CTNNA3: variants seen among roughly 807,000 people sequenced by gnomAD.
The protein encoded by CTNNA3 is catenin alpha-3.
In CTNNA3, 76 loss-of-function variants were observed where a neutral mutation model predicts 95.7. The ratio of observed to expected loss-of-function variants is 0.79; its 90% CI spans 0.66 to 0.96. CTNNA3 has a LOEUF of 0.96. CTNNA3 is among the 40% of genes least tolerant of loss of function. The pLI is 0.00. For missense variants in CTNNA3, 1,191 were observed against 1,089.8 expected (o/e 1.09, Z -1.31); for synonymous variants, 431 against 374.4 (o/e 1.15, Z -1.74).
intron 2 of CTNNA3, among the ~76,000 whole-genome samples, chr10:67,627,282 T>C (rs566173630): frequency 6.6e-6 from 1 of 152,188 alleles, no homozygotes; most frequent in East Asian, 1.9e-4. Context: ...CTATATTAGG[T>C]GTGCAAATCC....
intron 3 of CTNNA3, among the ~76,000 whole-genome samples, chr10:67,544,864 C>T (rs892003655): frequency 2.6e-5 from 4 of 152,112 alleles, no homozygotes; most frequent in African/African-American, 9.7e-5. Context: ...AACAGAATTC[C>T]CAATTTCAAG....
At chr10:66,421,897 G>GATATATAT (rs35513829) in intron 11 of CTNNA3, among the ~76,000 whole-genome samples, 2,786 of 108,032 alleles carry the variant, frequency 0.026, 170 homozygotes, top group East Asian at 0.13. Flanking sequence ...TAATAAATGT[G>GATATATAT]ATATATATAT....
At chr10:67,116,743 T>TAA (rs1554924694) in intron 7 of CTNNA3, among the ~76,000 whole-genome samples, 6 of 139,624 alleles carry the variant, frequency 4.3e-5, no homozygotes, top group South Asian at 2.3e-4. Flanking sequence ...TATATATATA[T>TAA]AATATATAAA....
At chr10:66,709,130 C>A (rs924110730) in intron 9 of CTNNA3, among the ~76,000 whole-genome samples, 2 of 152,064 alleles carry the variant, frequency 1.3e-5, no homozygotes, top group African/African-American at 4.8e-5. Context: ...GAACCTTATA[C>A]ACAACCTTAT....
chr10:67,493,430 C>T (rs1055857717), intron 5 of CTNNA3, among the ~76,000 whole-genome samples: 2 of 151,884 alleles, frequency 1.3e-5, no homozygotes, highest in African/African-American at 4.8e-5. Context: ...GGCGTGGTGG[C>T]ACGCACCTGT....
At chr10:67,179,400 T>C (rs1862397703) in intron 7 of CTNNA3, among the ~76,000 whole-genome samples, 1 of 150,450 alleles carries the variant, frequency 6.6e-6, no homozygotes, top group African/African-American at 2.5e-5. Flanking sequence ...GTATTTCATA[T>C]ATATGTATAA....
chr10:66,096,596 T>C (rs1289087726), intron 14 of CTNNA3, among the ~76,000 whole-genome samples: 1 of 150,662 alleles, frequency 6.6e-6, no homozygotes, highest in Non-Finnish European at 1.5e-5. Context: ...CAATCTCCGC[T>C]CACTGCTACC....
intron 9 of CTNNA3, among the ~76,000 whole-genome samples, chr10:66,710,045 T>C (rs540341460): frequency 5.5e-4 from 83 of 152,274 alleles, no homozygotes; most frequent in Non-Finnish European, 1.0e-3. Flanking sequence ...TCAAGGCCAA[T>C]TGTAGCGACA....
chr10:67,463,684 T>A (rs976942771), intron 5 of CTNNA3, among the ~76,000 whole-genome samples: 3 of 152,242 alleles, frequency 2.0e-5, no homozygotes, highest in Non-Finnish European at 4.4e-5. Context: ...TGATTTATCT[T>A]GAATTACCTA....
intron 13 of CTNNA3, among the ~76,000 whole-genome samples, chr10:66,272,153 C>T (rs937023544): frequency 1.4e-4 from 22 of 152,132 alleles, no homozygotes; most frequent in Non-Finnish European, 2.2e-4. Context: ...TTGCTATTGG[C>T]CTTTTACGAA....
intron 15 of CTNNA3, among the ~76,000 whole-genome samples, chr10:66,027,754 T>C (rs992932858): frequency 6.6e-6 from 1 of 152,168 alleles, no homozygotes; most frequent in Non-Finnish European, 1.5e-5. Context: ...ATGAGGCTAA[T>C]ATTTGGTTTA....
At chr10:66,884,780 G>A (rs1254508672) in intron 7 of CTNNA3, among the ~76,000 whole-genome samples, 1 of 152,092 alleles carries the variant, frequency 6.6e-6, no homozygotes, top group Non-Finnish European at 1.5e-5. Context: ...ACAGAGGGAG[G>A]AAGATAACAA....
intron 12 of CTNNA3, among the ~76,000 whole-genome samples, chr10:66,362,366 G>T: frequency 6.6e-6 from 1 of 151,118 alleles, no homozygotes; most frequent in Non-Finnish European, 1.5e-5. Flanking sequence ...CTCCCAAAGT[G>T]CTGGGATTAA....
At chr10:66,683,914 A>C (rs1847155681) in intron 9 of CTNNA3, among the ~76,000 whole-genome samples, 1 of 152,176 alleles carries the variant, frequency 6.6e-6, no homozygotes, top group South Asian at 2.1e-4. Flanking sequence ...AAGGTAGGAT[A>C]GACAAGAAAA....
At chr10:66,820,218 C>T (rs533020153) in intron 7 of CTNNA3, among the ~76,000 whole-genome samples, 1 of 152,090 alleles carries the variant, frequency 6.6e-6, no homozygotes, top group South Asian at 2.1e-4. Flanking sequence ...AAACATTACG[C>T]TAAATGAAAG....
chr10:67,394,137 T>C (rs1844629492), intron 5 of CTNNA3, among the ~76,000 whole-genome samples: 1 of 152,164 alleles, frequency 6.6e-6, no homozygotes, highest in African/African-American at 2.4e-5. Context: ...TAAATATGAC[T>C]CTTTTGTGTG....
intron 7 of CTNNA3, among the ~76,000 whole-genome samples, chr10:66,913,446 C>T (rs1267902467): frequency 6.6e-6 from 1 of 152,044 alleles, no homozygotes; most frequent in African/African-American, 2.4e-5. Flanking sequence ...GTATCATCTG[C>T]CATGCCTGAA....
At chr10:67,575,240 G>T (rs149540693) in intron 3 of CTNNA3, among the ~76,000 whole-genome samples, 60 of 151,932 alleles carry the variant, frequency 3.9e-4, no homozygotes, top group Admixed American at 1.5e-3. Context: ...GCCTAAATTT[G>T]GTCTCTCTTT....
intron 5 of CTNNA3, among the ~76,000 whole-genome samples, chr10:67,448,585 A>ATAAACGC (rs1846844404): frequency 1.3e-5 from 2 of 151,846 alleles, no homozygotes; most frequent in South Asian, 4.1e-4. Context: ...ATATCATTTA[A>ATAAACGC]TAAACGCTTT....
Sources: allele counts gnomAD v4.1 joint callset (sites outside exome capture counted in the v4.1 genomes callset), GRCh38; gene constraint gnomAD v4.1.1; transcripts MANE v1.5; gene names NCBI Gene and HGNC (gene_info 2026-07-23, HGNC 2026-07-21).